VWC2L: variants seen among roughly 807,000 people sequenced by gnomAD.
The protein encoded by VWC2L is von Willebrand factor C domain-containing protein 2-like.
VWC2L carries 10 observed loss-of-function variants against 21.6 expected under a neutral mutation model. That is an observed-to-expected ratio of 0.46 (90% CI 0.29 to 0.78). The LOEUF is 0.78. Among genes scored for constraint, VWC2L ranks in the 30% least tolerant of loss-of-function variants. The pLI is 0.10. For missense variants in VWC2L, 209 were observed against 277.1 expected (o/e 0.75, Z 1.74); for synonymous variants, 96 against 94.3 (o/e 1.02, Z -0.10).
At chr2:214,454,810 G>A (rs1703031568) in intron 3 of VWC2L, among the ~76,000 whole-genome samples, 1 of 151,648 alleles carries the variant, frequency 6.6e-6, no homozygotes, top group Non-Finnish European at 1.5e-5. Flanking sequence ...CACCGTGTTA[G>A]CCAGGATGGT....
intron 3 of VWC2L, among the ~76,000 whole-genome samples, chr2:214,561,802 A>ATATATATATATATATATATATT (rs1689977968): frequency 7.2e-6 from 1 of 138,286 alleles, no homozygotes; most frequent in African/African-American, 3.1e-5. Flanking sequence ...ATATATATAT[A>ATATATATATATATATATATATT]TATATATACA....
intron 3 of VWC2L, among the ~76,000 whole-genome samples, chr2:214,552,482 G>A (rs1474415961): frequency 6.6e-6 from 1 of 152,148 alleles, no homozygotes; most frequent in Admixed American, 6.5e-5. Flanking sequence ...GGACCTGCTG[G>A]ATGATAAACT....
At chr2:214,437,370 C>T (rs1239128448) in intron 3 of VWC2L, among the ~76,000 whole-genome samples, 1 of 151,944 alleles carries the variant, frequency 6.6e-6, no homozygotes, top group Non-Finnish European at 1.5e-5. Flanking sequence ...CTTTTTGTCC[C>T]TCATGGAATG....
At chr2:214,489,986 G>A (rs959710275) in intron 3 of VWC2L, among the ~76,000 whole-genome samples, 6 of 152,214 alleles carry the variant, frequency 3.9e-5, no homozygotes, top group African/African-American at 9.6e-5. Flanking sequence ...TAGTCACTGG[G>A]TGCAGGAGAG....
At position 214,487,335 on chromosome 2, in the gene VWC2L, A is replaced by G. The variant is rs539279150; in HGVS notation, c.520+50577A>G. On this transcript the variant is annotated intron_variant, in intron 3 of 3. Transcript: ENST00000312504. Reference sequence around the variant, plus strand: ...TTGAAGAACTGAAAGTCTTCACTCTATCACACAGTAAAAACCTACTGTGCG... The same window carrying G: ...TTGAAGAACTGAAAGTCTTCACTCTGTCACACAGTAAAAACCTACTGTGCG... Among the ~76,000 whole-genome samples, 4 of 151,942 alleles carry G rather than the reference A, an allele frequency of 2.6e-5. No individual in the cohort carries two copies. The South Asian group carries it at 8.3e-4, about 31-fold the overall frequency.
intron 3 of VWC2L, among the ~76,000 whole-genome samples, chr2:214,549,338 G>T (rs1187179496): frequency 6.6e-6 from 1 of 152,198 alleles, no homozygotes; most frequent in Non-Finnish European, 1.5e-5. Context: ...CCTACCACAG[G>T]TATGTATACC....
At chr2:214,447,832 G>A (rs541114322) in intron 3 of VWC2L, among the ~76,000 whole-genome samples, 1 of 152,138 alleles carries the variant, frequency 6.6e-6, no homozygotes, top group East Asian at 1.9e-4. Flanking sequence ...CCACGTCATT[G>A]TTGAAGAAGG....
At chr2:214,518,419 A>G (rs1435871092) in intron 3 of VWC2L, among the ~76,000 whole-genome samples, 1 of 152,236 alleles carries the variant, frequency 6.6e-6, no homozygotes, top group Admixed American at 6.5e-5. Flanking sequence ...TGATGACATT[A>G]TGATGATGCA....
At chr2:214,454,576 C>G (rs1460862177) in intron 3 of VWC2L, among the ~76,000 whole-genome samples, 1 of 131,662 alleles carries the variant, frequency 7.6e-6, no homozygotes, top group Non-Finnish European at 1.6e-5. Context: ...TACTAGTATA[C>G]TGAATTACAT....
At chr2:214,540,619 T>G (rs4480977) in intron 3 of VWC2L, among the ~76,000 whole-genome samples, 69,615 of 152,086 alleles carry the variant, frequency 0.46, 16,562 homozygotes, top group East Asian at 0.73. Context: ...TATTCAATGC[T>G]AATGAACAGT....
chr2:214,513,062 C>A (rs900909239), intron 3 of VWC2L, among the ~76,000 whole-genome samples: 12 of 152,074 alleles, frequency 7.9e-5, no homozygotes, highest in Non-Finnish European at 2.9e-5. Flanking sequence ...AGGAAAGCTG[C>A]ATCTTGGTCA....
At chr2:214,529,862 C>T (rs77753058) in intron 3 of VWC2L, among the ~76,000 whole-genome samples, 4,110 of 152,204 alleles carry the variant, frequency 0.027, 180 homozygotes, top group African/African-American at 0.092. Context: ...TGCTTACGCT[C>T]ATATACTGGG....
At chr2:214,504,275 G>T (rs1323949862) in intron 3 of VWC2L, among the ~76,000 whole-genome samples, 1 of 152,192 alleles carries the variant, frequency 6.6e-6, no homozygotes, top group Non-Finnish European at 1.5e-5. Flanking sequence ...AGTTTGGTTG[G>T]AATGAGTGAT....
intron 3 of VWC2L, among the ~76,000 whole-genome samples, chr2:214,449,938 G>A (rs1354674038): frequency 1.3e-5 from 2 of 152,180 alleles, no homozygotes; most frequent in African/African-American, 2.4e-5. Flanking sequence ...CTGCCTTCTG[G>A]AAGGCTAAGC....
chr2:214,496,093 G>A (rs1574597271), intron 3 of VWC2L, among the ~76,000 whole-genome samples: 1 of 152,090 alleles, frequency 6.6e-6, no homozygotes, highest in Non-Finnish European at 1.5e-5. Flanking sequence ...TGTAGCCTAG[G>A]AATAACAGGC....
chr2:214,449,950 C>T (rs904000308), intron 3 of VWC2L, among the ~76,000 whole-genome samples: 3 of 152,088 alleles, frequency 2.0e-5, no homozygotes, highest in South Asian at 2.1e-4. Flanking sequence ...AGGCTAAGCT[C>T]GGTTACTTTC....
chr2:214,413,713 A>G (rs1277490788), intron 1 of VWC2L, among the ~76,000 whole-genome samples: 1 of 152,186 alleles, frequency 6.6e-6, no homozygotes, highest in Non-Finnish European at 1.5e-5. Flanking sequence ...GATAATTATA[A>G]CATATGTTCC....
chr2:214,533,333 A>G (rs1689471672), intron 3 of VWC2L, among the ~76,000 whole-genome samples: 2 of 152,108 alleles, frequency 1.3e-5, no homozygotes, highest in African/African-American at 4.8e-5. Flanking sequence ...ATAAAGTTAG[A>G]ATAATTGAAC....
At chr2:214,465,787 G>A (rs1174693489) in intron 3 of VWC2L, among the ~76,000 whole-genome samples, 2 of 152,124 alleles carry the variant, frequency 1.3e-5, no homozygotes, top group African/African-American at 4.8e-5. Context: ...CCAGAACTCA[G>A]GTTCCTACTG....
Sources: allele counts gnomAD v4.1 joint callset (sites outside exome capture counted in the v4.1 genomes callset), GRCh38; gene constraint gnomAD v4.1.1; transcripts MANE v1.5; gene names NCBI Gene and HGNC (gene_info 2026-07-23, HGNC 2026-07-21).